The following TTC28 variants were observed in gnomAD, a reference collection of about 807,000 sequenced individuals.
TTC28 encodes the protein tetratricopeptide repeat protein 28.
TTC28 carries 61 observed loss-of-function variants against 198.0 expected under a neutral mutation model. The ratio of observed to expected loss-of-function variants is 0.31; its 90% CI spans 0.25 to 0.38. TTC28 has a LOEUF of 0.38. Ranked by LOEUF, TTC28 falls within the 10% of genes least tolerant of loss-of-function variation. TTC28 has a pLI of 1.00. For synonymous variants in TTC28, 1,171 were observed against 1,297.8 expected (o/e 0.90, Z 2.10); for missense variants, 2,678 against 3,164.0 (o/e 0.85, Z 3.69).
At chr22:28,221,204 G>C (rs899134349) in intron 5 of TTC28, among the ~76,000 whole-genome samples, 1 of 152,066 alleles carries the variant, frequency 6.6e-6, no homozygotes, top group Non-Finnish European at 1.5e-5. Context: ...TCAGTGTCTG[G>C]ACTAGCTCCA....
rs1294843906 is a variant in TTC28 at position 27,979,367 on chromosome 22, CTACT to C, written c.*2850_*2853del. On this transcript the variant is annotated 3_prime_UTR_variant, in exon 23 of 23. Transcript: ENST00000397906. ...TGGTAGTGGGTGCCTGTAGTCCCAG[CTACT>C]TAGAGGCTGAGGCAGGGAGAATTGC... 6.6e-6 allele frequency: 1 copy of C among 151,852 alleles called. No homozygotes were observed. The highest frequency in any genetic ancestry group is 2.4e-5 in the African/African-American group (1 of 41,384). 9.4% of individuals were successfully genotyped at this position (151,852 alleles called of 1,614,324 possible). A position where few individuals can be genotyped will look rare whatever the true frequency, so the allele number is the denominator to read the frequency against.
intron 5 of TTC28, among the ~76,000 whole-genome samples, chr22:28,234,318 A>C (rs1169031695): frequency 1.3e-5 from 2 of 152,098 alleles, no homozygotes; most frequent in Non-Finnish European, 1.5e-5. Context: ...CTAGGATTAC[A>C]GGCGTGAGCC....
At chr22:28,495,040 G>C (rs1183228147) in intron 2 of TTC28, among the ~76,000 whole-genome samples, 1 of 151,954 alleles carries the variant, frequency 6.6e-6, no homozygotes, top group Admixed American at 6.6e-5. Context: ...GCAGGAAACA[G>C]ATTAAGTAAC....
At chr22:28,108,883 C>A (rs1234943865) in intron 6 of TTC28, among the ~76,000 whole-genome samples, 1 of 152,240 alleles carries the variant, frequency 6.6e-6, no homozygotes, top group East Asian at 1.9e-4. Flanking sequence ...CAATGAAATG[C>A]AAAATAAAGC....
chr22:28,568,335 TA>T (rs767656127), intron 2 of TTC28, among the ~76,000 whole-genome samples: 62 of 152,230 alleles, frequency 4.1e-4, no homozygotes, highest in Middle Eastern at 3.4e-3. Context: ...CCATAAACTT[TA>T]AAATGGTTAA....
At chr22:28,173,635 T>C (rs1260363831) in intron 5 of TTC28, among the ~76,000 whole-genome samples, 1 of 152,236 alleles carries the variant, frequency 6.6e-6, no homozygotes, top group Non-Finnish European at 1.5e-5. Context: ...GACCTGAATA[T>C]TTGCAGAAGA....
intron 2 of TTC28, among the ~76,000 whole-genome samples, chr22:28,318,639 C>T (rs1289299002): frequency 6.6e-6 from 1 of 151,980 alleles, no homozygotes; most frequent in Non-Finnish European, 1.5e-5. Context: ...AGAACTGGAA[C>T]CTCTTTTTGA....
intron 6 of TTC28, among the ~76,000 whole-genome samples, chr22:28,160,410 A>C (rs926221753): frequency 1.3e-5 from 2 of 152,206 alleles, no homozygotes; most frequent in Non-Finnish European, 2.9e-5. Flanking sequence ...ACAAAGAAAT[A>C]ACAGAAAAGA....
chr22:28,264,840 G>A (rs1014485039), intron 5 of TTC28, among the ~76,000 whole-genome samples: 4 of 152,146 alleles, frequency 2.6e-5, no homozygotes, highest in African/African-American at 9.7e-5. Flanking sequence ...TGAGTGTAAA[G>A]TTTAAAAGCA....
At chr22:27,996,711 C>T (rs547693265) in intron 16 of TTC28, among the ~76,000 whole-genome samples, 47 of 152,208 alleles carry the variant, frequency 3.1e-4, no homozygotes, top group African/African-American at 1.1e-3. Flanking sequence ...TGGGAAAGAC[C>T]AACTGGGCTG....
intron 2 of TTC28, among the ~76,000 whole-genome samples, chr22:28,480,981 T>C (rs960031080): frequency 6.6e-6 from 1 of 152,172 alleles, no homozygotes; most frequent in Non-Finnish European, 1.5e-5. Flanking sequence ...TTATCAAGGT[T>C]AAATGACTCC....
intron 5 of TTC28, among the ~76,000 whole-genome samples, chr22:28,167,992 T>C (rs1239002167): frequency 6.6e-6 from 1 of 152,184 alleles, no homozygotes; most frequent in East Asian, 1.9e-4. Context: ...ACAAAATCAA[T>C]GTGCAAAAAT....
At chr22:28,504,521 C>T (rs1473255849) in intron 2 of TTC28, among the ~76,000 whole-genome samples, 1 of 152,064 alleles carries the variant, frequency 6.6e-6, no homozygotes, top group Non-Finnish European at 1.5e-5. Flanking sequence ...GTGGTGTTTA[C>T]CTGTAAGCTC....
intron 5 of TTC28, among the ~76,000 whole-genome samples, chr22:28,285,908 G>C (rs150204409): frequency 6.6e-6 from 1 of 152,006 alleles, no homozygotes; most frequent in African/African-American, 2.4e-5. Flanking sequence ...TTCAACAGTG[G>C]ATGAATGGCA....
At chr22:28,106,629 TG>T (rs1471592153) in intron 7 of TTC28, among the ~76,000 whole-genome samples, 5 of 152,144 alleles carry the variant, frequency 3.3e-5, no homozygotes, top group Admixed American at 1.3e-4. Context: ...AGCAACACAA[TG>T]GGGCCTAAGT....
chr22:28,207,210 G>A (rs1303625318), intron 5 of TTC28, among the ~76,000 whole-genome samples: 9 of 147,902 alleles, frequency 6.1e-5, no homozygotes, highest in African/African-American at 2.2e-4. Context: ...GATTTCAAGG[G>A]GGCTAAGCAG....
chr22:28,595,426 G>T (rs1046276907), intron 2 of TTC28, among the ~76,000 whole-genome samples: 1 of 152,130 alleles, frequency 6.6e-6, no homozygotes, highest in Non-Finnish European at 1.5e-5. Flanking sequence ...TAGGAGAAAT[G>T]AATTCTTTCT....
At chr22:28,535,259 G>A (rs1003756966) in intron 2 of TTC28, among the ~76,000 whole-genome samples, 1 of 152,014 alleles carries the variant, frequency 6.6e-6, no homozygotes, top group Non-Finnish European at 1.5e-5. Flanking sequence ...GGACTTGTAA[G>A]GGCATAAATA....
At chr22:28,271,674 G>C (rs905017532) in intron 5 of TTC28, among the ~76,000 whole-genome samples, 1 of 151,986 alleles carries the variant, frequency 6.6e-6, no homozygotes, top group East Asian at 1.9e-4. Context: ...GCATGATCTC[G>C]GCTCACTGCA....
Sources: gnomAD v4.1 joint callset for allele counts (sites outside exome capture counted in the v4.1 genomes callset) on GRCh38, gnomAD v4.1.1 for gene constraint, MANE v1.5 for transcripts, NCBI Gene and HGNC (gene_info 2026-07-23, HGNC 2026-07-21) for gene names.